Variants in SPSB1 observed in about 807,000 individuals in gnomAD.
SPSB1 encodes splA/ryanodine receptor domain and SOCS box containing 1, also known as SPRY domain-containing SOCS box protein 1.
A neutral mutation model predicts 21.2 loss-of-function variants in SPSB1; 8 were observed. That is an observed-to-expected ratio of 0.38 (90% CI 0.22 to 0.68). The LOEUF (loss-of-function observed/expected upper bound fraction) is 0.68, where lower values mean the gene tolerates loss of function less well. Among genes scored for constraint, SPSB1 ranks in the 30% least tolerant of loss-of-function variants. The pLI, the probability that SPSB1 is intolerant of heterozygous loss-of-function variation, is 0.53. For missense variants in SPSB1, 242 were observed against 377.8 expected (o/e 0.64, Z 2.98); for synonymous variants, 169 against 161.7 (o/e 1.05, Z -0.34).
intron 1 of SPSB1, among the ~76,000 whole-genome samples, chr1:9,298,505 T>G (rs1639264748): frequency 6.6e-6 from 1 of 152,246 alleles, no homozygotes; most frequent in Non-Finnish European, 1.5e-5. Flanking sequence ...AAGAAGGACC[T>G]CAGTACACTA....
chr1:9,320,987 G>A (rs889195460), intron 1 of SPSB1, among the ~76,000 whole-genome samples: 1 of 152,096 alleles, frequency 6.6e-6, no homozygotes, highest in Non-Finnish European at 1.5e-5. Flanking sequence ...CGAGTCCCTG[G>A]CTGCCACTCT....
At position 9,348,876 on chromosome 1, in the gene SPSB1, C is replaced by G. The variant is rs960995221; in HGVS notation, c.-149-6867C>G. Reference sequence around the variant, plus strand: ...CCGTCCCATGGCTGCTCTGGAAACACTGGGTTGAGGGCTTTTGCCGTCAAA... The same window carrying G: ...CCGTCCCATGGCTGCTCTGGAAACAGTGGGTTGAGGGCTTTTGCCGTCAAA... On this transcript the variant is annotated intron_variant, in intron 1 of 2. Transcript: ENST00000328089. The surrounding 1 kb of genome is among the most constrained non-coding windows in gnomAD (Gnocchi z 4.8). Among the ~76,000 whole-genome samples the G allele has an allele frequency of 6.6e-6, 1 of 151,910 alleles. No homozygotes were observed. The highest frequency in any genetic ancestry group is 6.6e-5 in the Admixed American group (1 of 15,252).
chr1:9,336,137 T>C (rs1448644473), intron 1 of SPSB1, among the ~76,000 whole-genome samples: 3 of 152,324 alleles, frequency 2.0e-5, no homozygotes, highest in South Asian at 2.1e-4. Flanking sequence ...AGCAGTGCTC[T>C]CTCATGTTGT....
chr1:9,343,498 C>T (rs1488450112), intron 1 of SPSB1, among the ~76,000 whole-genome samples: 1 of 152,140 alleles, frequency 6.6e-6, no homozygotes, highest in Non-Finnish European at 1.5e-5. Context: ...ATTTGTTTAT[C>T]CATGCATCCA....
intron 1 of SPSB1, among the ~76,000 whole-genome samples, chr1:9,355,489 G>T (rs1640346880): frequency 6.6e-6 from 1 of 152,266 alleles, no homozygotes; most frequent in South Asian, 2.1e-4. Flanking sequence ...ACAGATGAGG[G>T]TGATGCCCAT....
chr1:9,297,522 G>A (rs953115693), intron 1 of SPSB1, among the ~76,000 whole-genome samples: 3 of 152,074 alleles, frequency 2.0e-5, no homozygotes, highest in Admixed American at 6.6e-5. Context: ...ATTTATACAA[G>A]CAGACACCAA....
At chr1:9,353,144 T>C (rs1043639101) in intron 1 of SPSB1, among the ~76,000 whole-genome samples, 2 of 151,988 alleles carry the variant, frequency 1.3e-5, no homozygotes, top group Admixed American at 6.6e-5. Context: ...AGGGTGGTAC[T>C]CTGCACCCCC....
rs1369664087 is a variant in SPSB1, at chr1:9,346,043, T to A, written c.-149-9700T>A. 6.6e-6 allele frequency among the ~76,000 whole-genome samples: 1 copy of A among 151,996 alleles called. No homozygotes were observed. The highest frequency in any genetic ancestry group is 2.4e-5 in the African/African-American group (1 of 41,400). On this transcript the variant is annotated intron_variant, in intron 1 of 2. Coordinates refer to ENST00000328089, the MANE Select transcript of SPSB1 (RefSeq NM_025106.4). The surrounding 1 kb of genome is among the most constrained non-coding windows in gnomAD (Gnocchi z 4.4). ...GTGTCCCTGCCACTCATGCTCAGGA[T>A]GCTGGAGGGAGCACAGAACCCCAGT...
chr1:9,362,403 G>A (rs1640497105), intron 2 of SPSB1, among the ~76,000 whole-genome samples: 2 of 152,224 alleles, frequency 1.3e-5, no homozygotes, highest in African/African-American at 2.4e-5. Flanking sequence ...GTGCTCTTTC[G>A]TAAGAACTGC....
At chr1:9,357,218 T>TG (rs1337918800) in intron 2 of SPSB1, among the ~76,000 whole-genome samples, 90 of 146,286 alleles carry the variant, frequency 6.2e-4, no homozygotes, top group Non-Finnish European at 7.3e-4. Flanking sequence ...GATCAGTGAA[T>TG]GAATGGATGG....
At chr1:9,329,106 G>T (rs1639871984) in intron 1 of SPSB1, among the ~76,000 whole-genome samples, 1 of 152,218 alleles carries the variant, frequency 6.6e-6, no homozygotes, top group Non-Finnish European at 1.5e-5. Context: ...GTGGGGGACA[G>T]GGTGGCGGGG....
At chr1:9,304,405 C>T (rs770527113) in intron 1 of SPSB1, among the ~76,000 whole-genome samples, 6 of 152,300 alleles carry the variant, frequency 3.9e-5, no homozygotes, top group South Asian at 2.1e-4. Context: ...CTCTCCCTCT[C>T]GATCCTATGG....
chr1:9,354,231 G>A lies in SPSB1; in HGVS notation c.-149-1512G>A, dbSNP rs114269106. 4.6e-3 allele frequency among the ~76,000 whole-genome samples: 702 copies of A among 152,270 alleles called. 6 individuals carry two copies. The highest frequency in any genetic ancestry group is 0.016 in the African/African-American group (682 of 41,560). ...GGAGCCTGCAGCCTCCCCTACCCCG[G>A]GTTCCTTTGGGTTCTCTTTGTCTCC... On this transcript the variant is annotated intron_variant, in intron 1 of 2. Coordinates refer to ENST00000328089, the MANE Select transcript of SPSB1 (RefSeq NM_025106.4).
chr1:9,315,217 C>T (rs984902615), intron 1 of SPSB1, among the ~76,000 whole-genome samples: 1 of 152,198 alleles, frequency 6.6e-6, no homozygotes, highest in Non-Finnish European at 1.5e-5. Flanking sequence ...TGCCGCATCA[C>T]GGACAAAGCA....
chr1:9,360,922 G>A (rs950775697), intron 2 of SPSB1, among the ~76,000 whole-genome samples: 2 of 152,152 alleles, frequency 1.3e-5, no homozygotes, highest in South Asian at 2.1e-4. Context: ...TGCCACCTGT[G>A]GGGGGTGAAA....
chr1:9,316,977 G>A (rs572281306), intron 1 of SPSB1, among the ~76,000 whole-genome samples: 59 of 152,354 alleles, frequency 3.9e-4, no homozygotes, highest in African/African-American at 1.3e-3. Flanking sequence ...CCCCGTAGCA[G>A]GGCCAGGCCT....
rs4908533 is a variant in SPSB1 at position 9,330,475 on chromosome 1, A to G, written c.-149-25268A>G. Among the ~76,000 whole-genome samples the G allele has an allele frequency of 6.7e-3, 231 of 34,452 alleles. 5 individuals are homozygous for G. In the East Asian group the frequency reaches 0.068, roughly 10 times the overall value. 22.6% of individuals were successfully genotyped at this position (34,452 alleles called of 152,430 possible). On this transcript the variant is annotated intron_variant, in intron 1 of 2. Transcript: ENST00000328089. ...AGCTAAATTCTGTCTCAAAATAATA[A>G]CAATAATAATAATAATAATAAAGAT...
intron 1 of SPSB1, among the ~76,000 whole-genome samples, chr1:9,329,311 C>CAGGT (rs1639875623): frequency 6.6e-6 from 1 of 151,706 alleles, no homozygotes; most frequent in Non-Finnish European, 1.5e-5. Flanking sequence ...GGTGGACAGG[C>CAGGT]GGATGGGTGG....
At chr1:9,320,385 C>G (rs1321843482) in intron 1 of SPSB1, among the ~76,000 whole-genome samples, 1 of 152,214 alleles carries the variant, frequency 6.6e-6, no homozygotes, top group African/African-American at 2.4e-5. Context: ...TGCCTCCTTT[C>G]ACCTTTCCTC....
Sources: gnomAD v4.1 joint callset for allele counts (sites outside exome capture counted in the v4.1 genomes callset) on GRCh38, gnomAD v4.1.1 for gene constraint, Gnocchi (gnomAD v3.1) non-coding constraint, MANE v1.5 for transcripts, NCBI Gene and HGNC (gene_info 2026-07-23, HGNC 2026-07-21) for gene names.